OPCML: variants seen among roughly 807,000 people sequenced by gnomAD.
The protein encoded by OPCML is opioid-binding protein/cell adhesion molecule.
In OPCML, 13 loss-of-function variants were observed where a neutral mutation model predicts 37.8. That is an observed-to-expected ratio of 0.34 (90% confidence interval 0.22 to 0.55). OPCML has a LOEUF of 0.55. Ranked by LOEUF, OPCML falls within the 20% of genes least tolerant of loss-of-function variation. OPCML has a pLI of 0.91. For missense variants in OPCML, 341 were observed against 435.6 expected (o/e 0.78, Z 1.93); for synonymous variants, 176 against 168.8 (o/e 1.04, Z -0.33).
intron 1 of OPCML, among the ~76,000 whole-genome samples, chr11:132,946,019 T>C (rs1310605710): frequency 6.6e-6 from 1 of 152,204 alleles, no homozygotes; most frequent in East Asian, 1.9e-4. Flanking sequence ...CCTGATCTCA[T>C]GATCCACCCG....
intron 1 of OPCML, among the ~76,000 whole-genome samples, chr11:133,509,320 G>A (rs1312828157): frequency 6.6e-6 from 1 of 152,214 alleles, no homozygotes; most frequent in Non-Finnish European, 1.5e-5. Context: ...AACATGTGGT[G>A]TTTGGTTTTC....
At chr11:132,757,933 TC>T (rs2136087981) in intron 2 of OPCML, among the ~76,000 whole-genome samples, 1 of 152,330 alleles carries the variant, frequency 6.6e-6, no homozygotes, top group African/African-American at 2.4e-5. Flanking sequence ...TGGTTTTAGT[TC>T]TTACATTTGA....
At chr11:132,532,660 A>G (rs1297156527) in intron 3 of OPCML, among the ~76,000 whole-genome samples, 1 of 152,084 alleles carries the variant, frequency 6.6e-6, no homozygotes, top group Admixed American at 6.6e-5. Flanking sequence ...GCGTTCATGC[A>G]TTTGTGTGCT....
chr11:132,810,584 A>C (rs1176477703), intron 2 of OPCML, among the ~76,000 whole-genome samples: 1 of 152,142 alleles, frequency 6.6e-6, no homozygotes, highest in East Asian at 1.9e-4. Context: ...CCTGCTACTC[A>C]GGAGGCTGAG....
intron 1 of OPCML, among the ~76,000 whole-genome samples, chr11:133,155,969 C>A (rs1046674209): frequency 6.6e-6 from 1 of 152,124 alleles, no homozygotes; most frequent in Admixed American, 6.5e-5. Flanking sequence ...TGTCTTTTTG[C>A]AAGGTCGGGA....
At chr11:132,435,430 C>G (rs992610088) in intron 7 of OPCML, among the ~76,000 whole-genome samples, 2 of 152,232 alleles carry the variant, frequency 1.3e-5, no homozygotes, top group African/African-American at 2.4e-5. Context: ...AGTATCACAA[C>G]AAGCTGGCCC....
chr11:133,292,283 G>T (rs1024695376), intron 1 of OPCML, among the ~76,000 whole-genome samples: 5 of 152,068 alleles, frequency 3.3e-5, no homozygotes, highest in Non-Finnish European at 1.5e-5. Context: ...TCCTGGAAAA[G>T]CTCATTGCGA....
chr11:133,271,570 T>C (rs1394161161), intron 1 of OPCML, among the ~76,000 whole-genome samples: 1 of 152,210 alleles, frequency 6.6e-6, no homozygotes, highest in Non-Finnish European at 1.5e-5. Flanking sequence ...GATAAACACA[T>C]GCATTGTTTC....
chr11:132,710,691 A>AC (rs1944225854), intron 2 of OPCML, among the ~76,000 whole-genome samples: 1 of 50,186 alleles, frequency 2.0e-5, no homozygotes, highest in South Asian at 6.4e-4. Flanking sequence ...AAAAATACAA[A>AC]AAAAAAAAAA....
intron 1 of OPCML, among the ~76,000 whole-genome samples, chr11:133,285,414 G>A (rs1942269061): frequency 6.6e-6 from 1 of 152,210 alleles, no homozygotes; most frequent in African/African-American, 2.4e-5. Flanking sequence ...GAGCCGGACT[G>A]GAGGACAATC....
chr11:132,447,908 A>G (rs2096059608), intron 4 of OPCML, among the ~76,000 whole-genome samples: 1 of 152,218 alleles, frequency 6.6e-6, no homozygotes, highest in Non-Finnish European at 1.5e-5. Flanking sequence ...CTCATCAGCT[A>G]TACTCTTCTC....
chr11:133,390,661 A>G (rs886782363), intron 1 of OPCML, among the ~76,000 whole-genome samples: 18 of 152,064 alleles, frequency 1.2e-4, no homozygotes, highest in African/African-American at 4.1e-4. Flanking sequence ...GGCCTTAGGG[A>G]GGTCTTGGTA....
At chr11:133,048,270 G>A (rs1412715841) in intron 1 of OPCML, among the ~76,000 whole-genome samples, 1 of 152,100 alleles carries the variant, frequency 6.6e-6, no homozygotes, top group Non-Finnish European at 1.5e-5. Context: ...TCTTATCAGA[G>A]AAGAAACTGA....
intron 1 of OPCML, among the ~76,000 whole-genome samples, chr11:133,222,137 G>A (rs1443806098): frequency 6.6e-6 from 1 of 152,198 alleles, no homozygotes; most frequent in East Asian, 1.9e-4. Context: ...TGGCTGCTGG[G>A]TTGTGGATGG....
At chr11:132,524,177 T>C (rs2096301924) in intron 4 of OPCML, among the ~76,000 whole-genome samples, 1 of 152,208 alleles carries the variant, frequency 6.6e-6, no homozygotes, top group Non-Finnish European at 1.5e-5. Context: ...ACATTACTCA[T>C]GTGCCTAGAA....
chr11:132,645,011 C>T (rs904657427), intron 3 of OPCML, among the ~76,000 whole-genome samples: 7 of 152,338 alleles, frequency 4.6e-5, no homozygotes, highest in Non-Finnish European at 7.3e-5. Context: ...ACTGGCCAAT[C>T]GGAGCACATA....
chr11:132,610,238 C>T (rs1003565030), intron 3 of OPCML, among the ~76,000 whole-genome samples: 3 of 152,180 alleles, frequency 2.0e-5, no homozygotes, highest in African/African-American at 7.2e-5. Context: ...TAACAGAGTG[C>T]TTACATCTAG....
intron 1 of OPCML, among the ~76,000 whole-genome samples, chr11:133,455,197 T>C (rs1402058194): frequency 6.6e-6 from 1 of 152,196 alleles, no homozygotes; most frequent in Non-Finnish European, 1.5e-5. Context: ...TTTAAAACAA[T>C]GCAGTTCTTA....
At chr11:132,915,819 C>G (rs1944584843) in intron 2 of OPCML, among the ~76,000 whole-genome samples, 1 of 152,070 alleles carries the variant, frequency 6.6e-6, no homozygotes, top group Non-Finnish European at 1.5e-5. Context: ...AGTAATTTAT[C>G]TTTTTTTGGT....
Sources: allele counts gnomAD v4.1 joint callset (sites outside exome capture counted in the v4.1 genomes callset), GRCh38; gene constraint gnomAD v4.1.1; transcripts MANE v1.5; gene names NCBI Gene and HGNC (gene_info 2026-07-23, HGNC 2026-07-21).